Variants in RPL7A observed in about 807,000 individuals in gnomAD.
The protein encoded by RPL7A is large ribosomal subunit protein eL8.
For missense variants in RPL7A, 291 were observed against 338.2 expected (o/e 0.86, Z 1.09); for synonymous variants, 158 against 128.2 (o/e 1.23, Z -1.57).
rs782781294 is a variant in RPL7A, at chr9:133,350,588, T to C, written c.496-9T>C. On this transcript the variant is annotated splice_polypyrimidine_tract_variant and intron_variant, in intron 5 of 7. Coordinates refer to ENST00000323345, the MANE Select transcript of RPL7A (RefSeq NM_000972.3). Reference sequence around the variant, plus strand: ...CAAAATACAGTCTTCAGCTAATGCTTTCTTCCAGCTGGTTGTCTTCTTGCC... The same window carrying C: ...CAAAATACAGTCTTCAGCTAATGCTCTCTTCCAGCTGGTTGTCTTCTTGCC... 1.2e-6 allele frequency: 2 copies of C among 1,613,892 alleles called. No individual in the cohort carries two copies. Among genetic ancestry groups the C allele is most frequent in the African/African-American group, 1.3e-5 (1 of 74,938 alleles).
In RPL7A at chr9:133,350,736, A is replaced by G. The variant is rs2129995706; in HGVS notation, c.626+9A>G. 12 of 1,611,902 alleles carry G rather than the reference A, an allele frequency of 7.4e-6. No individual in the cohort carries two copies. The African/African-American group carries it at 1.1e-4, about 14-fold the overall frequency. On this transcript the variant is annotated intron_variant, in intron 6 of 7. Transcript: ENST00000323345. ...TTCACACAGGTGAACTCGTAAGTAC[A>G]CAGCCTGGCCCCAAACTTCCCCCCA...
chr9:133,349,334 G>T (rs2119074790), intron 2 of RPL7A: 2 of 823,194 alleles, frequency 2.4e-6, no homozygotes, highest in East Asian at 4.9e-5. Flanking sequence ...TGTACTTCGT[G>T]GCACCTTGGC....
Position 133,350,262 on chromosome 9 carries a change from G to C in RPL7A, c.438G>C (p.Leu146Phe). ...TAGGAGTTAACACCGTCACCACCTTGGTGGAGAACAAGAAAGCTCAGCTGG... is the reference window on the plus strand; with the variant it reads ...TAGGAGTTAACACCGTCACCACCTTCGTGGAGAACAAGAAAGCTCAGCTGG... ...LRAGVNTVTT[L>F]VENKKAQLVV... The change falls in exon 5 of 8, where the codon TTG becomes TTC. Residue 146 changes from leucine (L) to phenylalanine (F), a missense_variant. Coordinates refer to ENST00000323345, the MANE Select transcript of RPL7A (RefSeq NM_000972.3). 1 of 1,613,954 alleles carries C rather than the reference G, an allele frequency of 6.2e-7. No homozygotes were observed.
intron 1 of RPL7A, 44 bp from the exon 2 acceptor site, chr9:133,348,878 G>T: frequency 6.2e-7 from 1 of 1,613,066 alleles, no homozygotes; most frequent in Admixed American, 1.7e-5. Flanking sequence ...CCCCGACGAA[G>T]CGAGTGGAGG....
At chr9:133,349,189 C>A in intron 2 of RPL7A, 147 bp downstream of exon 2, 3 of 1,004,628 alleles carry the variant, frequency 3.0e-6, no homozygotes, top group South Asian at 1.5e-5. Context: ...GGCAATGATA[C>A]ATGCTTCTTG....
At position 133,348,240 on chromosome 9, in the gene RPL7A, C is replaced by G. The variant is rs2129977135; in HGVS notation, c.-4C>G. 1.9e-6 allele frequency: 3 copies of G among 1,614,094 alleles called. No individual in the cohort carries two copies. Among genetic ancestry groups the G allele is most frequent in the Non-Finnish European group, 1.7e-6 (2 of 1,179,984 alleles). On this transcript the variant is annotated 5_prime_UTR_variant, in exon 1 of 8. Transcript: ENST00000323345. ...TTCCTTTCTCTCTCCTCCCGCCGCC[C>G]AAGATGGTGAGTGAGCTGTAGTTCC...
chr9:133,349,777 TTA>T, intron 3 of RPL7A, 77 bp downstream of exon 3: 1 of 1,592,906 alleles, frequency 6.3e-7, no homozygotes, highest in African/African-American at 1.3e-5. Flanking sequence ...GGGGATGGTC[TTA>T]GGCTTCTTGA....
chr9:133,350,462 T>C lies in RPL7A; in HGVS notation c.496-135T>C, dbSNP rs2129993915. 4 of 1,524,728 alleles carry C rather than the reference T, an allele frequency of 2.6e-6. No homozygotes were observed. The East Asian group carries it at 6.7e-5, about 26-fold the overall frequency. 94.4% of individuals were successfully genotyped at this position (1,524,728 alleles called of 1,614,324 possible). A position where few individuals can be genotyped will look rare whatever the true frequency, so the allele number is the denominator to read the frequency against. On this transcript the variant is annotated intron_variant, in intron 5 of 7. Coordinates refer to ENST00000323345, the MANE Select transcript of RPL7A (RefSeq NM_000972.3). ...TCCAACACATGCGTGGCTCTTGCAA[T>C]GATGTGAATCTCTCACTGAATTCAA...
chr9:133,351,421 C>A lies in RPL7A; in HGVS notation c.*55C>A. On this transcript the variant is annotated 3_prime_UTR_variant, in exon 8 of 8. Transcript: ENST00000323345. Reference sequence around the variant, plus strand: ...AAATAATTGAAATAATACAAATTTTCCTTCAGCCAGTGTCTGTTGAGTATC... The same window carrying A: ...AAATAATTGAAATAATACAAATTTTACTTCAGCCAGTGTCTGTTGAGTATC... The A allele has an allele frequency of 1.5e-6, 2 of 1,329,636 alleles. No individual in the cohort carries two copies. Among genetic ancestry groups the A allele is most frequent in the Non-Finnish European group, 2.1e-6 (2 of 948,308 alleles). 82.4% of individuals were successfully genotyped at this position (1,329,636 alleles called of 1,614,324 possible). A position where few individuals can be genotyped will look rare whatever the true frequency, so the allele number is the denominator to read the frequency against.
At position 133,350,615 on chromosome 9, in the gene RPL7A, G is replaced by C; in HGVS notation, c.514G>C (p.Ala172Pro). 6.2e-7 allele frequency: 1 copy of C among 1,614,050 alleles called. No homozygotes were observed. The highest frequency in any genetic ancestry group is 8.5e-7 in the Non-Finnish European group (1 of 1,179,958). ...CTTCCAGCTGGTTGTCTTCTTGCCTGCCCTGTGTCGTAAAATGGGGGTCCC... is the reference window on the plus strand; with the variant it reads ...CTTCCAGCTGGTTGTCTTCTTGCCTCCCCTGTGTCGTAAAATGGGGGTCCC... ...DPIELVVFLP[A>P]LCRKMGVPYC... The change falls in exon 6 of 8, where the codon GCC (alanine) becomes CCC (proline). Residue 172 changes from alanine to proline, a missense_variant. Ala to Pro is a conservative substitution (Grantham distance 27, BLOSUM62 -1). Coordinates refer to ENST00000323345, the MANE Select transcript of RPL7A (RefSeq NM_000972.3).
At chr9:133,348,652 G>T (rs1037584671) in intron 1 of RPL7A, 3 of 675,928 alleles carry the variant, frequency 4.4e-6, no homozygotes, top group African/African-American at 3.5e-5. Flanking sequence ...ATGAGTCCGG[G>T]GTGTCTCCTG....
At chr9:133,350,858 G>T in intron 6 of RPL7A, 131 bp downstream of exon 6, 1 of 1,528,438 alleles carries the variant, frequency 6.5e-7, no homozygotes, top group Non-Finnish European at 9.1e-7. Context: ...GCCAATGATG[G>T]TTAAGAATTT....
chr9:133,349,785 C>T, intron 3 of RPL7A, 85 bp downstream of exon 3: 1 of 1,587,744 alleles, frequency 6.3e-7, no homozygotes, highest in Non-Finnish European at 8.6e-7. Flanking sequence ...TCTTAGGCTT[C>T]TTGAACTGCA....
At chr9:133,350,567 A>G in intron 5 of RPL7A, 30 bp from the exon 6 acceptor site, 1 of 1,614,180 alleles carries the variant, frequency 6.2e-7, no homozygotes, top group Non-Finnish European at 8.5e-7. Context: ...TTTGGTCAAA[A>G]TACAGTCTTC....
intron 3 of RPL7A, 75 bp from the exon 4 acceptor site, chr9:133,349,837 G>A: frequency 6.3e-7 from 1 of 1,589,362 alleles, no homozygotes; most frequent in Non-Finnish European, 8.6e-7. Context: ...CCGCAGTCCA[G>A]CATTTGTTAT....
In RPL7A at chr9:133,350,636, G is replaced by A. The variant is rs2129995109; in HGVS notation, c.535G>A (p.Val179Ile). 8.1e-6 allele frequency: 13 copies of A among 1,613,880 alleles called. No individual in the cohort carries two copies. The African/African-American group carries it at 1.3e-4, about 17-fold the overall frequency. ...FLPALCRKMGVPYCIIKGKAR... is the reference protein window; with the variant it reads ...FLPALCRKMGIPYCIIKGKAR... Reference sequence around the variant, plus strand: ...GCCTGCCCTGTGTCGTAAAATGGGGGTCCCTTACTGCATTATCAAGGGAAA... The same window carrying A: ...GCCTGCCCTGTGTCGTAAAATGGGGATCCCTTACTGCATTATCAAGGGAAA... Residue 179 changes from valine (V) to isoleucine (I), a missense_variant, in exon 6 of 8, where the codon GTC becomes ATC. Val to Ile is a conservative substitution (Grantham distance 29). Transcript: ENST00000323345.
Position 133,351,414 on chromosome 9 carries a change from A to C in RPL7A, c.*48A>C, listed in dbSNP as rs2130000126. The C allele has an allele frequency of 5.1e-5, 70 of 1,381,702 alleles. No homozygotes were observed. The highest frequency in any genetic ancestry group is 6.7e-5 in the Non-Finnish European group (66 of 989,858). The allele number at this position is 1,381,702 out of a possible 1,614,324, so 85.6% of individuals were successfully genotyped here. On this transcript the variant is annotated 3_prime_UTR_variant, in exon 8 of 8. Coordinates refer to ENST00000323345, the MANE Select transcript of RPL7A (RefSeq NM_000972.3). ...TACATAAAAATAATTGAAATAATAC[A>C]AATTTTCCTTCAGCCAGTGTCTGTT...
At chr9:133,349,765 A>AG in intron 3 of RPL7A, 65 bp downstream of exon 3, 1 of 1,602,284 alleles carries the variant, frequency 6.2e-7, no homozygotes, top group Non-Finnish European at 8.5e-7. Context: ...CCAGAACATG[A>AG]GGGGGATGGT....
Position 133,348,236 on chromosome 9 carries a change from C to G in RPL7A, c.-8C>G. 3 of 1,614,130 alleles carry G rather than the reference C, an allele frequency of 1.9e-6. No individual in the cohort carries two copies. The highest frequency in any genetic ancestry group is 2.5e-6 in the Non-Finnish European group (3 of 1,180,008). ...CCCTTTCCTTTCTCTCTCCTCCCGCCGCCCAAGATGGTGAGTGAGCTGTAG... is the reference window on the plus strand; with the variant it reads ...CCCTTTCCTTTCTCTCTCCTCCCGCGGCCCAAGATGGTGAGTGAGCTGTAG... On this transcript the variant is annotated 5_prime_UTR_variant, in exon 1 of 8. Coordinates refer to ENST00000323345, the MANE Select transcript of RPL7A (RefSeq NM_000972.3).
Sources: allele counts gnomAD v4.1 joint callset, GRCh38; gene constraint gnomAD v4.1.1; transcripts MANE v1.5; gene names NCBI Gene and HGNC (gene_info 2026-07-23, HGNC 2026-07-21).